Variants in UBXN7 observed in about 807,000 individuals in gnomAD.
The protein encoded by UBXN7 is UBX domain-containing protein 7.
Under a neutral mutation model 58.0 loss-of-function variants are expected in UBXN7, and 9 were observed. That is an observed-to-expected ratio of 0.16 (90% CI 0.09 to 0.27). The LOEUF (loss-of-function observed/expected upper bound fraction) is 0.27, where lower values mean the gene tolerates loss of function less well. Among genes scored for constraint, UBXN7 ranks in the 10% least tolerant of loss-of-function variants. The pLI is 1.00. For synonymous variants in UBXN7, 208 were observed against 205.0 expected, an observed-to-expected ratio of 1.01 and a Z score of -0.12; for missense variants, 328 against 599.6, an observed-to-expected ratio of 0.55 and a Z score of 4.73.
chr3:196,378,089 G>A (rs1729087999), intron 5 of UBXN7, among the ~76,000 whole-genome samples: 1 of 152,134 alleles, frequency 6.6e-6, no homozygotes, highest in Non-Finnish European at 1.5e-5. Flanking sequence ...ATATGTGTTT[G>A]TGTGTGTTTG....
At chr3:196,406,517 G>A (rs1270943459) in intron 2 of UBXN7, among the ~76,000 whole-genome samples, 1 of 152,108 alleles carries the variant, frequency 6.6e-6, no homozygotes, top group East Asian at 1.9e-4. Flanking sequence ...TCTGGTCACT[G>A]CAACCTCTGC....
chr3:196,361,808 G>T, intron 10 of UBXN7, 36 bp downstream of exon 10: 1 of 1,569,792 alleles, frequency 6.4e-7, no homozygotes, highest in South Asian at 1.1e-5. Flanking sequence ...TCTTATTGCA[G>T]TGGTCGGAAC....
chr3:196,401,541 C>T (rs1361711498), intron 3 of UBXN7, among the ~76,000 whole-genome samples: 12 of 149,348 alleles, frequency 8.0e-5, no homozygotes, highest in Admixed American at 2.7e-4. Flanking sequence ...AGCCAAATAC[C>T]GGACGTTCTC....
intron 3 of UBXN7, among the ~76,000 whole-genome samples, chr3:196,398,531 C>A (rs2108849622): frequency 6.6e-6 from 1 of 152,294 alleles, no homozygotes; most frequent in Non-Finnish European, 1.5e-5. Context: ...TTTCATGTCA[C>A]CACTGATCTT....
rs35766312 is a variant in UBXN7 at position 196,401,248 on chromosome 3, C to CAAAAA, written c.289+1699_289+1703dup. On this transcript the variant is annotated intron_variant, in intron 3 of 10. Coordinates refer to ENST00000296328, the MANE Select transcript of UBXN7 (RefSeq NM_015562.2). ...CTAACATGGAGAAACCCCGTCTCTC[C>CAAAAA]AAAAAAAAAAAAAAAAAAAAAAAAA... 5.3e-3 allele frequency among the ~76,000 whole-genome samples: 12 copies of CAAAAA among 2,276 alleles called. 3 individuals carry two copies. The highest frequency in any genetic ancestry group is 0.032 in the South Asian group (4 of 126). The allele number at this position is 2,276 out of a possible 152,430, so 1.5% of individuals were successfully genotyped here. A position where few individuals can be genotyped will look rare whatever the true frequency, so the allele number is the denominator to read the frequency against.
chr3:196,410,925 C>A (rs1730305009), intron 1 of UBXN7, among the ~76,000 whole-genome samples: 1 of 152,090 alleles, frequency 6.6e-6, no homozygotes, highest in South Asian at 2.1e-4. Flanking sequence ...CAGCTTATTT[C>A]TCTGGCTTTG....
chr3:196,420,915 CT>C (rs1308630626), intron 1 of UBXN7, among the ~76,000 whole-genome samples: 2 of 152,156 alleles, frequency 1.3e-5, no homozygotes, highest in Non-Finnish European at 2.9e-5. Context: ...GTCACAGAGA[CT>C]TTTAAAAACA....
At chr3:196,411,822 A>T (rs892418706) in intron 1 of UBXN7, among the ~76,000 whole-genome samples, 1 of 152,186 alleles carries the variant, frequency 6.6e-6, no homozygotes, top group African/African-American at 2.4e-5. Flanking sequence ...AAAAACAAAC[A>T]AACTAGCAGA....
chr3:196,425,605 G>T (rs1478062986), intron 1 of UBXN7, among the ~76,000 whole-genome samples: 1 of 151,984 alleles, frequency 6.6e-6, no homozygotes, highest in Admixed American at 6.6e-5. Flanking sequence ...TCAGAATAAA[G>T]ACAAGATTTT....
intron 5 of UBXN7, among the ~76,000 whole-genome samples, chr3:196,388,048 G>A (rs1729464454): frequency 6.6e-6 from 1 of 152,002 alleles, no homozygotes; most frequent in Admixed American, 6.6e-5. Context: ...CAACCCAAAT[G>A]TCCATCAATG....
intron 5 of UBXN7, among the ~76,000 whole-genome samples, chr3:196,373,560 T>A (rs1728903610): frequency 6.6e-6 from 1 of 152,162 alleles, no homozygotes; most frequent in Non-Finnish European, 1.5e-5. Context: ...TAAGAATCAA[T>A]GAATTTGGTG....
intron 3 of UBXN7, among the ~76,000 whole-genome samples, chr3:196,398,926 G>A (rs760055570): frequency 2.6e-5 from 4 of 151,694 alleles, no homozygotes; most frequent in African/African-American, 4.8e-5. Flanking sequence ...CGGATTACAG[G>A]TGTGAGTCAC....
intron 1 of UBXN7, among the ~76,000 whole-genome samples, chr3:196,414,861 T>C (rs1333457894): frequency 6.6e-6 from 1 of 152,164 alleles, no homozygotes; most frequent in Non-Finnish European, 1.5e-5. Flanking sequence ...AGTTAAGTTG[T>C]AGTATATACA....
At chr3:196,365,249 TAAA>T (rs11317854) in intron 8 of UBXN7, among the ~76,000 whole-genome samples, 17,613 of 127,852 alleles carry the variant, frequency 0.14, 1,246 homozygotes, top group South Asian at 0.2. Context: ...TTCCCCACCT[TAAA>T]AAAAAAAAAA....
Position 196,353,982 on chromosome 3 carries a change from A to G in UBXN7, c.*2703T>C, listed in dbSNP as rs575122070. On this transcript the variant is annotated 3_prime_UTR_variant, in exon 11 of 11. Transcript: ENST00000296328. ...TCTATTCAATAAAACCTCTGCCCTA[A>G]GGAGCAAAGAAACTTGCAGAGGAAG... The G allele has an allele frequency of 2.6e-5, 4 of 152,272 alleles. No homozygotes were observed. The highest frequency in any genetic ancestry group is 7.2e-5 in the African/African-American group (3 of 41,550). The allele number at this position is 152,272 out of a possible 1,614,324, so 9.4% of individuals were successfully genotyped here.
intron 6 of UBXN7, among the ~76,000 whole-genome samples, chr3:196,369,800 A>G (rs1267351958): frequency 2.0e-5 from 3 of 152,102 alleles, no homozygotes; most frequent in Admixed American, 6.6e-5. Flanking sequence ...TATGTCATTC[A>G]TAACTCTCAA....
intron 5 of UBXN7, among the ~76,000 whole-genome samples, chr3:196,385,612 G>A (rs1364377381): frequency 7.2e-5 from 11 of 151,920 alleles, no homozygotes; most frequent in East Asian, 2.0e-4. Context: ...TCTCTGCCCC[G>A]CCGCCACCCA....
chr3:196,372,325 T>C (rs1055401441), intron 5 of UBXN7, among the ~76,000 whole-genome samples: 5 of 147,500 alleles, frequency 3.4e-5, no homozygotes, highest in African/African-American at 7.6e-5. Context: ...TCTCTCTCTC[T>C]CCTTTCTTTC....
In UBXN7 at chr3:196,362,699, A is replaced by G. The variant is rs779657630; in HGVS notation, c.835-12T>C. 6.3e-7 allele frequency: 1 copy of G among 1,590,338 alleles called. No individual in the cohort carries two copies. The highest frequency in any genetic ancestry group is 1.7e-5 in the Admixed American group (1 of 57,292). On this transcript the variant is annotated splice_polypyrimidine_tract_variant and intron_variant, in intron 8 of 10. Transcript: ENST00000296328. ...TCTATAAGGCTCTCCTGTGAGATGG[A>G]GTCATAAAACACAGGAAAAAGAACA...
Sources: allele counts gnomAD v4.1 joint callset (sites outside exome capture counted in the v4.1 genomes callset), GRCh38; gene constraint gnomAD v4.1.1; transcripts MANE v1.5; gene names NCBI Gene and HGNC (gene_info 2026-07-23, HGNC 2026-07-21).